Variants in FMO5 observed in about 807,000 individuals in gnomAD.
The protein encoded by FMO5 is flavin-containing monooxygenase 5.
Under a neutral mutation model 43.6 loss-of-function variants are expected in FMO5, and 51 were observed. The observed-to-expected ratio is 1.17, with a 90% CI of 0.93 to 1.48. The LOEUF (loss-of-function observed/expected upper bound fraction) is 1.48. FMO5 is among the 40% of genes most tolerant of loss of function. The probability of loss-of-function intolerance (pLI) is 0.00; values close to 1 mark genes in which losing one functional copy is unlikely to be tolerated. For synonymous variants in FMO5, 187 were observed against 216.5 expected (o/e 0.86, Z 1.20); for missense variants, 644 against 643.0 (o/e 1.00, Z -0.02).
rs782699556 is a variant in FMO5 at position 147,212,544 on chromosome 1, G to A, written c.488-9C>T. ...TTTGAACTTCTCAATTCCTGCAAGA[G>A]AAGGGAAAATAATTATTGGGTAATG... On this transcript the variant is annotated splice_polypyrimidine_tract_variant and intron_variant, in intron 4 of 8. Coordinates refer to ENST00000254090, the MANE Select transcript of FMO5 (RefSeq NM_001461.4). 1.9e-6 allele frequency: 3 copies of A among 1,608,850 alleles called. No homozygotes were observed. The highest frequency in any genetic ancestry group is 2.7e-5 in the African/African-American group (2 of 74,720).
At chr1:147,216,125 T>C (rs868933813) in intron 2 of FMO5, among the ~76,000 whole-genome samples, 183 bp from the exon 3 acceptor site, 1 of 152,236 alleles carries the variant, frequency 6.6e-6, no homozygotes, top group Non-Finnish European at 1.5e-5. Flanking sequence ...TGACTTGCTT[T>C]TGACCAACAG....
chr1:147,201,513 C>T lies in FMO5; in HGVS notation c.831-9G>A, dbSNP rs1243248658. On this transcript the variant is annotated splice_polypyrimidine_tract_variant and intron_variant, in intron 6 of 8. Transcript: ENST00000254090. Reference sequence around the variant, plus strand: ...GATGCTGACTCAGAGCTCTGTGAGTCGTGACAAAGATCAAGTGGAGAAATG... The same window carrying T: ...GATGCTGACTCAGAGCTCTGTGAGTTGTGACAAAGATCAAGTGGAGAAATG... 1.9e-5 allele frequency: 31 copies of T among 1,599,002 alleles called. No individual in the cohort carries two copies. Among genetic ancestry groups the T allele is most frequent in the Non-Finnish European group, 2.4e-5 (28 of 1,169,264 alleles).
chr1:147,207,246 G>C (rs1309208573), intron 6 of FMO5, among the ~76,000 whole-genome samples: 2 of 152,134 alleles, frequency 1.3e-5, no homozygotes, highest in Non-Finnish European at 2.9e-5. Context: ...ACTTGTGTAT[G>C]TATGCTCTAT....
chr1:147,203,622 TA>T, intron 6 of FMO5: 3 of 1,232,468 alleles, frequency 2.4e-6, no homozygotes, highest in Non-Finnish European at 3.6e-6. Context: ...AACTTCTTAA[TA>T]GCGTACTGTT....
At chr1:147,190,323 G>T in intron 7 of FMO5, 74 bp from the exon 8 acceptor site, 1 of 934,980 alleles carries the variant, frequency 1.1e-6, no homozygotes, top group Non-Finnish European at 1.7e-6. Flanking sequence ...CAATTACTAT[G>T]CTATGGAGAA....
chr1:147,203,480 C>G, intron 6 of FMO5: 1 of 839,890 alleles, frequency 1.2e-6, no homozygotes, highest in Non-Finnish European at 2.1e-6. Flanking sequence ...GCCTCAGTAT[C>G]TAATCCAACA....
chr1:147,224,185 A>G, intron 2 of FMO5: 1 of 262,070 alleles, frequency 3.8e-6, no homozygotes, highest in Non-Finnish European at 7.6e-6. Flanking sequence ...CTAGGAAGAC[A>G]AAGGAGGTGT....
chr1:147,224,965 C>T lies in FMO5; in HGVS notation c.65G>A (p.Cys22Tyr), dbSNP rs1553927245. ...GVSGLSSIKC[C>Y]VEEGLEPVCF... ...GACAGGTTCCAAGCCTTCTTCTACG[C>T]AGCACTTGATGGAAGAGAGCCCGCT... The change falls in exon 2 of 9, where the codon TGC (cysteine) becomes TAC (tyrosine). Residue 22 changes from cysteine (C) to tyrosine (Y), a missense_variant. By Grantham distance (194) the Cys-to-Tyr change is radical. Transcript: ENST00000254090. 2 of 1,614,078 alleles carry T rather than the reference C, an allele frequency of 1.2e-6. No individual in the cohort carries two copies. The highest frequency in any genetic ancestry group is 1.7e-6 in the Non-Finnish European group (2 of 1,180,014).
At chr1:147,198,865 A>G (rs929865045) in intron 7 of FMO5, among the ~76,000 whole-genome samples, 7 of 148,906 alleles carry the variant, frequency 4.7e-5, no homozygotes, top group Non-Finnish European at 7.4e-5. Context: ...AAAAAAAAAA[A>G]AAAAAAAAAA....
intron 5 of FMO5, among the ~76,000 whole-genome samples, chr1:147,209,333 G>A (rs1660695639): frequency 6.6e-6 from 1 of 151,866 alleles, no homozygotes; most frequent in Non-Finnish European, 1.5e-5. Context: ...AGCTACTCGG[G>A]AGGCTGAGGC....
intron 7 of FMO5, among the ~76,000 whole-genome samples, chr1:147,199,517 A>C (rs1025797659): frequency 6.6e-6 from 1 of 152,186 alleles, no homozygotes; most frequent in South Asian, 2.1e-4. Context: ...TCATAACCAT[A>C]ATGCAGACTC....
intron 3 of FMO5, chr1:147,214,647 T>G (rs1553924581): frequency 6.6e-6 from 1 of 152,098 alleles, no homozygotes; most frequent in African/African-American, 2.4e-5. Context: ...TTATCTTCTT[T>G]AAGAAAACTT....
intron 3 of FMO5, among the ~76,000 whole-genome samples, chr1:147,213,746 G>T (rs1199786571): frequency 3.9e-5 from 6 of 152,102 alleles, no homozygotes; most frequent in Admixed American, 2.6e-4. Flanking sequence ...AGGTCCTAAG[G>T]CACTGTAACA....
intron 6 of FMO5, among the ~76,000 whole-genome samples, chr1:147,207,740 G>T (rs28381199): frequency 6.6e-6 from 1 of 152,156 alleles, no homozygotes; most frequent in Non-Finnish European, 1.5e-5. Context: ...ATACCTCTGA[G>T]ATTTCCAGTT....
At chr1:147,210,218 C>G (rs1660862720) in intron 5 of FMO5, 1 of 152,166 alleles carries the variant, frequency 6.6e-6, no homozygotes, top group Admixed American at 6.5e-5. Flanking sequence ...AAAGCCTGTG[C>G]TTAAGAAATG....
At chr1:147,193,813 G>A (rs1657392320) in intron 7 of FMO5, among the ~76,000 whole-genome samples, 1 of 152,108 alleles carries the variant, frequency 6.6e-6, no homozygotes, top group African/African-American at 2.4e-5. Context: ...GTAGTTGAGT[G>A]GTTTTGAGTG....
At chr1:147,190,108 G>C in intron 8 of FMO5, 69 bp downstream of exon 8, 4 of 1,077,028 alleles carry the variant, frequency 3.7e-6, no homozygotes, top group South Asian at 1.4e-5. Flanking sequence ...GTTAAATACA[G>C]TACAATATTT....
At chr1:147,188,522 C>CAAAAA (rs10552833) in intron 8 of FMO5, among the ~76,000 whole-genome samples, 60 of 61,190 alleles carry the variant, frequency 9.8e-4, no homozygotes, top group Non-Finnish European at 1.3e-3. Context: ...GACCCCATAT[C>CAAAAA]AAAAAAAAAA....
rs939410965 is a variant in FMO5 at position 147,218,384 on chromosome 1, C to T, written c.136-2442G>A. ...CCGAGTAGCTGGGCCTACAGGCACGCGCCACTATGCCTGGCTAATTTTTTT... is the reference window on the plus strand; with the variant it reads ...CCGAGTAGCTGGGCCTACAGGCACGTGCCACTATGCCTGGCTAATTTTTTT... On this transcript the variant is annotated intron_variant, in intron 2 of 8. Transcript: ENST00000254090. Among the ~76,000 whole-genome samples, 9 of 151,132 alleles carry T rather than the reference C, an allele frequency of 6.0e-5. 1 individual carries two copies. Among genetic ancestry groups the T allele is most frequent in the Non-Finnish European group, 7.4e-5 (5 of 67,972 alleles).
Sources: gnomAD v4.1 joint callset for allele counts (sites outside exome capture counted in the v4.1 genomes callset) on GRCh38, gnomAD v4.1.1 for gene constraint, MANE v1.5 for transcripts, NCBI Gene and HGNC (gene_info 2026-07-23, HGNC 2026-07-21) for gene names.